The following SLC2A14 variants were observed in gnomAD, a reference collection of about 807,000 sequenced individuals.
The protein encoded by SLC2A14 is solute carrier family 2, facilitated glucose transporter member 14.
A neutral mutation model predicts 43.0 loss-of-function variants in SLC2A14; 13 were observed. The observed-to-expected ratio is 0.30, with a 90% CI of 0.20 to 0.48. The LOEUF is 0.48. Ranked by LOEUF, SLC2A14 falls within the 20% of genes least tolerant of loss-of-function variation. SLC2A14 has a pLI of 0.99. For missense variants in SLC2A14, 428 were observed against 620.4 expected (o/e 0.69, Z 3.29); for synonymous variants, 190 against 233.8 (o/e 0.81, Z 1.71).
intron 2 of SLC2A14, among the ~76,000 whole-genome samples, chr12:7,848,748 G>A (rs1319662224): frequency 6.6e-6 from 1 of 151,848 alleles, no homozygotes; most frequent in Non-Finnish European, 1.5e-5. Context: ...TAGAGATGGG[G>A]TTTCACCATG....
At chr12:7,873,699 A>G (rs36000688), upstream of SLC2A14, among the ~76,000 whole-genome samples, 42 of 151,812 alleles carry the variant, frequency 2.8e-4, no homozygotes, top group African/African-American at 9.7e-4. Context: ...TTTCAGACTC[A>G]GGAGCTCTTT....
chr12:7,875,847 A>G (rs1437774885), upstream of SLC2A14, among the ~76,000 whole-genome samples: 1 of 152,062 alleles, frequency 6.6e-6, no homozygotes, highest in East Asian at 1.9e-4. Flanking sequence ...GCAGTGGCGC[A>G]TGCCTGTAAT....
chr12:7,873,831 C>T (rs1945359506), upstream of SLC2A14, among the ~76,000 whole-genome samples: 1 of 152,070 alleles, frequency 6.6e-6, no homozygotes, highest in East Asian at 1.9e-4. Flanking sequence ...GGTAAGGCCC[C>T]TGCAGACAGC....
chr12:7,886,912 C>CTTTTTT (rs11442108), intron 1 of SLC2A14, among the ~76,000 whole-genome samples: 1 of 131,870 alleles, frequency 7.6e-6, no homozygotes, highest in Non-Finnish European at 1.6e-5. Context: ...TAATGATTTT[C>CTTTTTT]TTTTTTTTTT....
At chr12:7,836,366 G>A (rs758664269) in intron 2 of SLC2A14, among the ~76,000 whole-genome samples, 6 of 152,004 alleles carry the variant, frequency 3.9e-5, no homozygotes, top group African/African-American at 1.4e-4. Context: ...GACTACAAGC[G>A]TGTGCCACCA....
At chr12:7,841,249 ATAT>A (rs1354525311) in intron 2 of SLC2A14, among the ~76,000 whole-genome samples, 1 of 152,062 alleles carries the variant, frequency 6.6e-6, no homozygotes, top group Non-Finnish European at 1.5e-5. Flanking sequence ...TACATCTCTT[ATAT>A]TATTATCATT....
chr12:7,887,524 G>A (rs1945706088), intron 1 of SLC2A14, among the ~76,000 whole-genome samples: 1 of 151,938 alleles, frequency 6.6e-6, no homozygotes, highest in Non-Finnish European at 1.5e-5. Flanking sequence ...TGCCCTCACA[G>A]AGCTTATATT....
intron 1 of SLC2A14, chr12:7,870,909 C>T: frequency 7.2e-7 from 1 of 1,397,894 alleles, no homozygotes; most frequent in Non-Finnish European, 9.6e-7. Flanking sequence ...GCACAAGGGG[C>T]CACATCCAAT....
chr12:7,868,723 G>C (rs1318035115), intron 2 of SLC2A14, among the ~76,000 whole-genome samples: 1 of 152,120 alleles, frequency 6.6e-6, no homozygotes, highest in Non-Finnish European at 1.5e-5. Context: ...AATATGTCTG[G>C]TCAGGCACAG....
At chr12:7,871,016 A>C in intron 1 of SLC2A14, 1 of 1,434,526 alleles carries the variant, frequency 7.0e-7, no homozygotes, top group Non-Finnish European at 9.4e-7. Flanking sequence ...CAAGGGGGAC[A>C]GCACGACAAG....
intron 7 of SLC2A14, among the ~76,000 whole-genome samples, chr12:7,826,869 C>CT (rs772239409): frequency 0.25 from 8,324 of 33,930 alleles, 1,065 homozygotes; most frequent in Non-Finnish European, 0.29. Flanking sequence ...TTTTTTCTTT[C>CT]TTTCTTTCTT....
At chr12:7,825,263 C>CTAT in intron 7 of SLC2A14, among the ~76,000 whole-genome samples, 1 of 134,692 alleles carries the variant, frequency 7.4e-6, no homozygotes. Flanking sequence ...GAGTTCAAGA[C>CTAT]CAGACTGGTC....
chr12:7,844,561 G>A (rs1866300237), intron 2 of SLC2A14, among the ~76,000 whole-genome samples: 1 of 147,452 alleles, frequency 6.8e-6, no homozygotes, highest in Non-Finnish European at 1.5e-5. Flanking sequence ...TTTTTAGACA[G>A]GGTCTCACTC....
At chr12:7,862,884 A>T (rs559576830) in intron 2 of SLC2A14, among the ~76,000 whole-genome samples, 1 of 151,968 alleles carries the variant, frequency 6.6e-6, no homozygotes, top group Non-Finnish European at 1.5e-5. Context: ...CGTGGAGAAC[A>T]TTTGTATCTG....
rs1357857555 is a variant in SLC2A14 at position 7,890,800 on chromosome 12, CAAAGCT to C, written c.132+190_132+195del. 2.1e-5 allele frequency: 9 copies of C among 432,422 alleles called. 1 individual carries two copies. In the East Asian group the frequency reaches 2.4e-4, roughly 12 times the overall value. The allele number at this position is 432,422 out of a possible 1,614,324, so 26.8% of individuals were successfully genotyped here. A position where few individuals can be genotyped will look rare whatever the true frequency, so the allele number is the denominator to read the frequency against. ...TGCAAAGTCCCCCTTCAGCAAAGAA[CAAAGCT>C]TCTGGTACCTGCCCTTTGGACAGCT... On this transcript the variant is annotated intron_variant, in intron 1 of 9. Transcript: ENST00000539924.
At chr12:7,865,954 C>T (rs1014381409) in intron 2 of SLC2A14, among the ~76,000 whole-genome samples, 6 of 152,116 alleles carry the variant, frequency 3.9e-5, no homozygotes, top group Non-Finnish European at 5.9e-5. Context: ...TGGTAGCTCA[C>T]GCCTGTAATC....
At chr12:7,848,703 C>T (rs1866675196) in intron 2 of SLC2A14, among the ~76,000 whole-genome samples, 1 of 151,874 alleles carries the variant, frequency 6.6e-6, no homozygotes, top group African/African-American at 2.4e-5. Context: ...TTACAGGTGC[C>T]CGCCACCATG....
At chr12:7,881,354 G>T (rs1945567374) in intron 1 of SLC2A14, among the ~76,000 whole-genome samples, 1 of 151,884 alleles carries the variant, frequency 6.6e-6, no homozygotes, top group South Asian at 2.1e-4. Context: ...TTTGGGCTCG[G>T]CGGGCCCCGC....
At chr12:7,818,189 A>G (rs1452394882) in intron 9 of SLC2A14, among the ~76,000 whole-genome samples, 155 bp from the exon 10 acceptor site, 1 of 147,172 alleles carries the variant, frequency 6.8e-6, no homozygotes, top group Non-Finnish European at 1.5e-5. Context: ...TTTTATTTTT[A>G]TATTTATTTT....
Sources: allele counts gnomAD v4.1 joint callset (sites outside exome capture counted in the v4.1 genomes callset), GRCh38; gene constraint gnomAD v4.1.1; transcripts MANE v1.5; gene names NCBI Gene and HGNC (gene_info 2026-07-23, HGNC 2026-07-21).